The following EXOC6 variants were observed in gnomAD, a reference collection of about 807,000 sequenced individuals.
The protein encoded by EXOC6 is exocyst complex component 6.
A neutral mutation model predicts 112.5 loss-of-function variants in EXOC6; 60 were observed. That is an observed-to-expected ratio of 0.53 (90% confidence interval 0.43 to 0.66). The LOEUF (loss-of-function observed/expected upper bound fraction) is 0.66, where lower values mean the gene tolerates loss of function less well. Ranked by LOEUF, EXOC6 falls within the 30% of genes least tolerant of loss-of-function variation. EXOC6 has a pLI of 0.00. For missense variants in EXOC6, 855 were observed against 957.1 expected (o/e 0.89, Z 1.41); for synonymous variants, 295 against 308.0 (o/e 0.96, Z 0.44).
intron 20 of EXOC6, among the ~76,000 whole-genome samples, chr10:93,032,981 A>G (rs1845338406): frequency 6.6e-6 from 1 of 152,136 alleles, no homozygotes; most frequent in South Asian, 2.1e-4. Flanking sequence ...GCTGTTAGGA[A>G]AGAGAAAGGG....
At chr10:92,880,016 ATACT>A (rs1473506111) in intron 1 of EXOC6, among the ~76,000 whole-genome samples, 2 of 152,180 alleles carry the variant, frequency 1.3e-5, no homozygotes, top group African/African-American at 2.4e-5. Context: ...TTATTTCATA[ATACT>A]TAGTTGTTGA....
intron 1 of EXOC6, among the ~76,000 whole-genome samples, chr10:92,890,464 G>C (rs1849441288): frequency 6.6e-6 from 1 of 152,146 alleles, no homozygotes; most frequent in South Asian, 2.1e-4. Context: ...TTCTAGGGCT[G>C]GGGATGCAAT....
chr10:93,048,879 A>G (rs1846137490), intron 20 of EXOC6, among the ~76,000 whole-genome samples: 1 of 152,128 alleles, frequency 6.6e-6, no homozygotes, highest in Admixed American at 6.5e-5. Flanking sequence ...TTTTATCCCA[A>G]TTGCCAAAAG....
chr10:92,942,451 T>A (rs57283335), intron 13 of EXOC6, among the ~76,000 whole-genome samples: 4,667 of 152,216 alleles, frequency 0.031, 171 homozygotes, highest in East Asian at 0.15. Flanking sequence ...TCTAGTAAAA[T>A]CAACTAAACA....
intron 20 of EXOC6, among the ~76,000 whole-genome samples, chr10:93,016,034 C>T (rs1844492835): frequency 6.6e-6 from 1 of 152,128 alleles, no homozygotes; most frequent in African/African-American, 2.4e-5. Flanking sequence ...ACTGTCTTCT[C>T]TTTATCAAAG....
rs1054881549 is a variant in EXOC6 at position 93,059,307 on chromosome 10, T to C, written c.*952T>C. 6 of 152,214 alleles carry C rather than the reference T, an allele frequency of 3.9e-5. No homozygotes were observed. The highest frequency in any genetic ancestry group is 1.4e-4 in the African/African-American group (6 of 41,458). The allele number at this position is 152,214 out of a possible 1,614,324, so 9.4% of individuals were successfully genotyped here. On this transcript the variant is annotated 3_prime_UTR_variant, in exon 22 of 22. Transcript: ENST00000260762. Reference sequence around the variant, plus strand: ...TTTGTGTATGTTTCCGTGGTCCAAATGGCAATATAAATCCAGTCTTTATTC... The same window carrying C: ...TTTGTGTATGTTTCCGTGGTCCAAACGGCAATATAAATCCAGTCTTTATTC...
At chr10:92,913,425 T>A (rs1396637775) in intron 6 of EXOC6, among the ~76,000 whole-genome samples, 1 of 152,212 alleles carries the variant, frequency 6.6e-6, no homozygotes, top group Non-Finnish European at 1.5e-5. Flanking sequence ...TCTTAAGTGA[T>A]ACCCTGTTAC....
intron 19 of EXOC6, among the ~76,000 whole-genome samples, chr10:92,998,697 T>TA (rs901360725): frequency 4.0e-5 from 6 of 150,260 alleles, no homozygotes; most frequent in Non-Finnish European, 7.4e-5. Flanking sequence ...CCCATTTATT[T>TA]AAAAAAAAAG....
intron 19 of EXOC6, among the ~76,000 whole-genome samples, chr10:93,006,827 G>C (rs1564905004): frequency 6.6e-6 from 1 of 152,148 alleles, no homozygotes; most frequent in Admixed American, 6.6e-5. Flanking sequence ...TTCATATTCA[G>C]CCATTTATTT....
chr10:92,872,108 C>T (rs866742236), intron 1 of EXOC6, among the ~76,000 whole-genome samples: 6 of 151,778 alleles, frequency 4.0e-5, no homozygotes, highest in African/African-American at 9.7e-5. Context: ...GCATTTTGTA[C>T]GTAATTCATT....
intron 6 of EXOC6, among the ~76,000 whole-genome samples, chr10:92,912,716 G>A (rs929190924): frequency 2.6e-5 from 4 of 152,110 alleles, no homozygotes; most frequent in African/African-American, 9.7e-5. Flanking sequence ...GCAAAAGCTG[G>A]TTACAAACAA....
intron 20 of EXOC6, among the ~76,000 whole-genome samples, chr10:93,019,226 C>T (rs926659826): frequency 6.6e-5 from 10 of 152,082 alleles, no homozygotes; most frequent in South Asian, 2.1e-4. Flanking sequence ...GCAATCCACC[C>T]GCCTCGGCCT....
At chr10:92,898,966 G>A (rs1337071724) in intron 4 of EXOC6, among the ~76,000 whole-genome samples, 1 of 152,054 alleles carries the variant, frequency 6.6e-6, no homozygotes, top group Admixed American at 6.6e-5. Context: ...TATTATCTTG[G>A]CAAAGAATAA....
intron 18 of EXOC6, among the ~76,000 whole-genome samples, chr10:92,984,972 C>A (rs369678510): frequency 3.9e-5 from 6 of 152,090 alleles, no homozygotes; most frequent in African/African-American, 1.4e-4. Context: ...GCACTCCAGC[C>A]TGGGCAACAG....
chr10:93,044,781 T>C (rs1226719309), intron 20 of EXOC6, among the ~76,000 whole-genome samples: 1 of 152,214 alleles, frequency 6.6e-6, no homozygotes, highest in East Asian at 1.9e-4. Flanking sequence ...TTGGTTTCTT[T>C]CGGTTATCCT....
At position 92,989,270 on chromosome 10, in the gene EXOC6, A is replaced by G. The variant is rs144157658; in HGVS notation, c.1954-8204A>G. On this transcript the variant is annotated intron_variant, in intron 18 of 21. Transcript: ENST00000260762. ...TCATTTTCTTGTTTGTATAAAGCGT[A>G]TAAAAGTATACTGCCTAAAAAATCA... Among the ~76,000 whole-genome samples the G allele has an allele frequency of 5.9e-5, 9 of 152,376 alleles. 1 individual carries two copies. In the East Asian group the frequency reaches 9.6e-4, roughly 16 times the overall value.
chr10:93,022,874 A>G (rs961854180), intron 20 of EXOC6, among the ~76,000 whole-genome samples: 10 of 152,120 alleles, frequency 6.6e-5, no homozygotes, highest in African/African-American at 2.4e-4. Flanking sequence ...TTACTTCATA[A>G]AGCTATTTCA....
intron 19 of EXOC6, among the ~76,000 whole-genome samples, chr10:93,004,800 G>T (rs1406485111): frequency 1.3e-5 from 2 of 152,140 alleles, no homozygotes; most frequent in African/African-American, 4.8e-5. Context: ...TTGAGACCTT[G>T]CTTCCAGTCC....
At chr10:92,842,217 A>G (rs2246696) in intron 1 of EXOC6, among the ~76,000 whole-genome samples, 105,491 of 151,744 alleles carry the variant, frequency 0.7, 37,411 homozygotes, top group Middle Eastern at 0.74. Context: ...AAATTAGCCG[A>G]GTGTGGTGGT....
Sources: allele counts gnomAD v4.1 joint callset (sites outside exome capture counted in the v4.1 genomes callset), GRCh38; gene constraint gnomAD v4.1.1; transcripts MANE v1.5; gene names NCBI Gene and HGNC (gene_info 2026-07-23, HGNC 2026-07-21).